ZIC3: variants seen among roughly 807,000 people sequenced by gnomAD.
The protein encoded by ZIC3 is Zic family zinc finger 3, also known as zinc finger protein ZIC 3.
Under a neutral mutation model 18.3 loss-of-function variants are expected in ZIC3, and 6 were observed. The ratio of observed to expected loss-of-function variants is 0.33; its 90% CI spans 0.18 to 0.65. The LOEUF (loss-of-function observed/expected upper bound fraction) is 0.65. ZIC3 is among the 30% of genes least tolerant of loss of function. ZIC3 has a pLI of 0.75. For missense variants in ZIC3, 260 were observed against 410.0 expected, an observed-to-expected ratio of 0.63 and a Z score of 3.16; for synonymous variants, 175 against 177.0, an observed-to-expected ratio of 0.99 and a Z score of 0.09.
At chrX:137,575,123 C>A (rs759244178), downstream of ZIC3, among the ~76,000 whole-genome samples, 1 of 112,134 alleles carries the variant, frequency 8.9e-6, no homozygotes, top group Non-Finnish European at 1.9e-5. Context: ...TTCCACAGAA[C>A]CTTGAGTCCC....
At chrX:137,572,222 T>C (rs1415753219), downstream of ZIC3, among the ~76,000 whole-genome samples, 1 of 112,678 alleles carries the variant, frequency 8.9e-6, no homozygotes, top group African/African-American at 3.2e-5. Flanking sequence ...GTTGAAGCAG[T>C]CTATTTAAGT....
chrX:137,571,531 C>CA lies in ZIC3; in HGVS notation c.*1463dup, dbSNP rs1931436591. ...GCTGATTTGTTTGCTGTATATAGTT[C>CA]AATTCATAATTATCGCAATTATCCA... On this transcript the variant is annotated 3_prime_UTR_variant, in exon 3 of 3. Coordinates refer to ENST00000287538, the MANE Select transcript of ZIC3 (RefSeq NM_003413.4). 8.9e-6 allele frequency: 1 copy of CA among 112,185 alleles called. No homozygotes were observed. The highest frequency in any genetic ancestry group is 3.7e-4 in the South Asian group (1 of 2,701). The allele number at this position is 112,185 out of a possible 1,213,427, so 9.2% of individuals were successfully genotyped here.
intron 1 of ZIC3, chrX:137,568,686 G>GGCCCC: frequency 1.1e-5 from 1 of 90,111 alleles, no homozygotes; most frequent in Non-Finnish European, 2.0e-5. Flanking sequence ...GGCCGGCCCC[G>GGCCCC]CCCCACCCCC....
At chrX:137,568,335 G>GATCT (rs772410999) in intron 1 of ZIC3, among the ~76,000 whole-genome samples, 2,108 of 70,187 alleles carry the variant, frequency 0.03, 19 homozygotes, top group East Asian at 0.046. Flanking sequence ...CCCCTGGATC[G>GATCT]ATCGATCTAT....
chrX:137,576,640 G>A (rs761853265), downstream of ZIC3, among the ~76,000 whole-genome samples: 111 of 112,439 alleles, frequency 9.9e-4, no homozygotes, highest in Middle Eastern at 4.6e-3. Context: ...TTAAACCAGG[G>A]AATGTTCAGA....
downstream of ZIC3, among the ~76,000 whole-genome samples, chrX:137,573,160 ACC>A (rs1491490423): frequency 0.014 from 558 of 39,369 alleles, no homozygotes; most frequent in Non-Finnish European, 0.016. Flanking sequence ...AAAAAAAAAA[ACC>A]AAACAAACCA....
chrX:137,577,516 C>T, exon 3 of ZIC3: 1 of 224,122 alleles, frequency 4.5e-6, no homozygotes, highest in East Asian at 7.3e-5. Flanking sequence ...TTATCTCATG[C>T]ATTGTGTTGA....
chrX:137,571,063 G>A lies in ZIC3; in HGVS notation c.*993G>A, dbSNP rs986011298. Reference sequence around the variant, plus strand: ...CTATCTCAGATGGTTGTTTAACTGCGAGTTTAAATGTGTTTGTCCTGGATT... The same window carrying A: ...CTATCTCAGATGGTTGTTTAACTGCAAGTTTAAATGTGTTTGTCCTGGATT... On this transcript the variant is annotated 3_prime_UTR_variant, in exon 3 of 3. Coordinates refer to ENST00000287538, the MANE Select transcript of ZIC3 (RefSeq NM_003413.4). 3 of 112,275 alleles carry A rather than the reference G, an allele frequency of 2.7e-5. No homozygotes were observed. The highest frequency in any genetic ancestry group is 5.6e-5 in the Non-Finnish European group (3 of 53,215). 9.3% of individuals were successfully genotyped at this position (112,275 alleles called of 1,213,427 possible).
intron 2 of ZIC3, among the ~76,000 whole-genome samples, chrX:137,569,342 G>A (rs1931405921): frequency 8.9e-6 from 1 of 112,281 alleles, no homozygotes; most frequent in Admixed American, 9.3e-5. Flanking sequence ...CGGGGCTGCC[G>A]TGGCCGCCTC....
Position 137,566,925 on chromosome X carries a change from T to A in ZIC3, c.234T>A (p.Gly78=). The A allele has an allele frequency of 8.6e-7, 1 of 1,165,911 alleles. No individual in the cohort carries two copies. The highest frequency in any genetic ancestry group is 1.1e-6 in the Non-Finnish European group (1 of 872,807). Residue 78 remains glycine (G), a synonymous_variant, in exon 1 of 3, where the codon GGT becomes GGA. Coordinates refer to ENST00000287538, the MANE Select transcript of ZIC3 (RefSeq NM_003413.4). ...AGAGCTCGGCTTTCACGCCGCAGGG[T>A]TCGGGCTACGCCAACGCCCTGGGCC... ...SGQSSAFTPQ[G]SGYANALGHH...
chrX:137,567,011 C>A lies in ZIC3; in HGVS notation c.320C>A (p.Ala107Asp). Residue 107 changes from alanine (A) to aspartate (D), a missense_variant, in exon 1 of 3, where the codon GCT becomes GAT. Around this residue, in one of 4 missense-constraint regions of ZIC3, gnomAD observed 183 missense variants for 223.8 expected, o/e 0.82. Transcript: ENST00000287538. ...HTSQVPSYGG[A>D]ASAAFNSTRE... ...AGCCAGGTGCCCAGCTACGGTGGCG[C>A]TGCCTCTGCCGCCTTCAACTCAACG... 1 of 1,167,627 alleles carries A rather than the reference C, an allele frequency of 8.6e-7. No homozygotes were observed. The highest frequency in any genetic ancestry group is 1.1e-6 in the Non-Finnish European group (1 of 873,240).
In ZIC3 at chrX:137,566,415, C is replaced by A; in HGVS notation, c.-277C>A. On this transcript the variant is annotated 5_prime_UTR_variant, in exon 1 of 3. Transcript: ENST00000287538. The stretch of plus-strand genomic sequence containing the variant: ...TGTGCGCGCCTGTTAGTTTGTTAAA[C>A]CAGATCTAGTCCGAGTCTTTTCTCC... The A allele has an allele frequency of 2.4e-6, 1 of 424,659 alleles. No homozygotes were observed. The highest frequency in any genetic ancestry group is 4.1e-6 in the Non-Finnish European group (1 of 245,667). The allele number at this position is 424,659 out of a possible 1,213,427, so 35.0% of individuals were successfully genotyped here.
rs911196287 is a variant in ZIC3, at chrX:137,571,073, G to A, written c.*1003G>A. On this transcript the variant is annotated 3_prime_UTR_variant, in exon 3 of 3. Transcript: ENST00000287538. ...TGGTTGTTTAACTGCGAGTTTAAAT[G>A]TGTTTGTCCTGGATTTTCGGCATGC... The A allele has an allele frequency of 8.9e-6, 1 of 112,362 alleles. No homozygotes were observed. Among genetic ancestry groups the A allele is most frequent in the African/African-American group, 3.2e-5 (1 of 30,845 alleles). The allele number at this position is 112,362 out of a possible 1,213,427, so 9.3% of individuals were successfully genotyped here.
chrX:137,573,562 T>C (rs186442864), downstream of ZIC3, among the ~76,000 whole-genome samples: 3 of 112,232 alleles, frequency 2.7e-5, no homozygotes, highest in East Asian at 8.4e-4. Flanking sequence ...CCTGGCTCTC[T>C]CTCCCCCTTC....
At chrX:137,567,915 C>G (rs1441906474) in intron 1 of ZIC3, among the ~76,000 whole-genome samples, 164 bp downstream of exon 1, 1 of 113,472 alleles carries the variant, frequency 8.8e-6, no homozygotes, top group African/African-American at 3.2e-5. Context: ...CCTAGCCCTC[C>G]CCGTCCCGTG....
rs776092045 is a variant in ZIC3, at chrX:137,566,979, C to T, written c.288C>T (p.His96=). ...GHHHHHHHHH[H]HTSQVPSYGG... is the part of the protein sequence containing the mutation. ...ATCACCACCACCATCACCATCATCA[C>T]CACACCAGCCAGGTGCCCAGCTACG... Residue 96 remains histidine, a synonymous_variant, in exon 1 of 3, where the codon CAC becomes CAT. Coordinates refer to ENST00000287538, the MANE Select transcript of ZIC3 (RefSeq NM_003413.4). 6.0e-6 allele frequency: 7 copies of T among 1,166,540 alleles called. No homozygotes were observed. Among genetic ancestry groups the T allele is most frequent in the Non-Finnish European group, 8.0e-6 (7 of 873,032 alleles).
At chrX:137,574,798 C>G (rs1177630089), downstream of ZIC3, among the ~76,000 whole-genome samples, 1 of 113,095 alleles carries the variant, frequency 8.8e-6, no homozygotes. Context: ...CGGAGCGCAG[C>G]AAAGCGCAGC....
rs866844801 is a variant in ZIC3, at chrX:137,569,906, G to A, written c.1240G>A (p.Gly414Arg). 1 of 1,208,554 alleles carries A rather than the reference G, an allele frequency of 8.3e-7. No homozygotes were observed. The highest frequency in any genetic ancestry group is 2.2e-5 in the Admixed American group (1 of 45,637). ...RKHMKVHESQ[G>R]SDSSPAASSG... ...TTAATTTTAGGTTCATGAATCTCAA[G>A]GGTCAGATTCCTCCCCTGCTGCCAG... Residue 414 changes from glycine (G) to arginine (R), a missense_variant, in exon 3 of 3, where the codon GGG becomes AGG. Around this residue, in one of 4 missense-constraint regions of ZIC3, gnomAD observed 52 missense variants for 111.5 expected, o/e 0.47. Coordinates refer to ENST00000287538, the MANE Select transcript of ZIC3 (RefSeq NM_003413.4).
chrX:137,570,457 G>A lies in ZIC3; in HGVS notation c.*387G>A, dbSNP rs1931422009. The stretch of plus-strand genomic sequence containing the variant: ...CTGATGGAAATTCTTTTTCGCCTTA[G>A]TGGTGATTGTTTAAACTCTCACAGT... On this transcript the variant is annotated 3_prime_UTR_variant, in exon 3 of 3. Transcript: ENST00000287538. 9.1e-6 allele frequency: 2 copies of A among 219,940 alleles called. No homozygotes were observed. The highest frequency in any genetic ancestry group is 1.7e-5 in the Non-Finnish European group (2 of 121,182). The allele number at this position is 219,940 out of a possible 1,213,427, so 18.1% of individuals were successfully genotyped here.
Sources: gnomAD v4.1 joint callset for allele counts (sites outside exome capture counted in the v4.1 genomes callset) on GRCh38, gnomAD v4.1.1 for gene constraint, gnomAD v4.1.1 regional missense constraint, MANE v1.5 for transcripts, NCBI Gene and HGNC (gene_info 2026-07-23, HGNC 2026-07-21) for gene names.